The following NUP214 variants were observed in gnomAD, a reference collection of about 807,000 sequenced individuals.
The protein encoded by NUP214 is nucleoporin 214.
Under a neutral mutation model 196.2 loss-of-function variants are expected in NUP214, and 79 were observed. The ratio of observed to expected loss-of-function variants is 0.40; its 90% CI spans 0.34 to 0.49. The LOEUF is 0.49. NUP214 is among the 20% of genes least tolerant of loss of function. The probability of loss-of-function intolerance (pLI) is 0.58; values close to 1 mark genes in which losing one functional copy is unlikely to be tolerated. For missense variants in NUP214, 2,468 were observed against 2,539.0 expected, an observed-to-expected ratio of 0.97 and a Z score of 0.60; for synonymous variants, 1,020 against 990.5, an observed-to-expected ratio of 1.03 and a Z score of -0.56.
In NUP214 at chr9:131,178,506, T is replaced by C. The variant is rs994961882; in HGVS notation, c.3419+96T>C. On this transcript the variant is annotated intron_variant, in intron 24 of 35. Transcript: ENST00000359428. ...CAGCAGTGCCACTGTCACAGTCTGG[T>C]TTTCCTGCACCGCCTTAGGTTATAA... is the stretch of plus-strand genomic sequence containing the variant. 1.5e-5 allele frequency: 13 copies of C among 855,672 alleles called. No individual in the cohort carries two copies. The South Asian group carries it at 1.7e-4, about 11-fold the overall frequency. The allele number at this position is 855,672 out of a possible 1,614,324, so 53.0% of individuals were successfully genotyped here. A position where few individuals can be genotyped will look rare whatever the true frequency, so the allele number is the denominator to read the frequency against.
chr9:131,194,827 G>A (rs1012150463), intron 27 of NUP214, among the ~76,000 whole-genome samples: 2 of 152,154 alleles, frequency 1.3e-5, no homozygotes, highest in East Asian at 1.9e-4. Context: ...CTAGTCTTAA[G>A]TGCTTCTGTC....
chr9:131,173,832 A>C (rs985519328), intron 21 of NUP214, among the ~76,000 whole-genome samples: 1 of 152,128 alleles, frequency 6.6e-6, no homozygotes, highest in African/African-American at 2.4e-5. Context: ...AACAGCCCCA[A>C]GATGTTCTCG....
At chr9:131,153,802 A>G (rs1397033637) in intron 17 of NUP214, among the ~76,000 whole-genome samples, 1 of 152,134 alleles carries the variant, frequency 6.6e-6, no homozygotes, top group East Asian at 1.9e-4. Context: ...CTGTGCTCGT[A>G]CTCAAGAGTC....
chr9:131,185,234 A>G (rs932193296), intron 24 of NUP214, among the ~76,000 whole-genome samples: 2 of 152,190 alleles, frequency 1.3e-5, no homozygotes, highest in African/African-American at 2.4e-5. Context: ...ACATGTGTGC[A>G]TTTGTCTGCC....
At chr9:131,172,678 T>G (rs1414139177) in intron 21 of NUP214, among the ~76,000 whole-genome samples, 1 of 152,244 alleles carries the variant, frequency 6.6e-6, no homozygotes, top group Non-Finnish European at 1.5e-5. Flanking sequence ...TTAATTTGCT[T>G]TTGATTACTT....
chr9:131,207,673 A>G (rs562158325), intron 30 of NUP214, among the ~76,000 whole-genome samples: 1 of 152,356 alleles, frequency 6.6e-6, no homozygotes, highest in East Asian at 1.9e-4. Flanking sequence ...TTGCTCTAGA[A>G]GAGCATATGT....
At chr9:131,173,669 C>T (rs1833020594) in intron 21 of NUP214, among the ~76,000 whole-genome samples, 1 of 152,014 alleles carries the variant, frequency 6.6e-6, no homozygotes. Flanking sequence ...AGAAGCTTAT[C>T]ATTGGAAGGT....
At chr9:131,194,488 T>G (rs1030871323) in intron 27 of NUP214, among the ~76,000 whole-genome samples, 9 of 152,186 alleles carry the variant, frequency 5.9e-5, no homozygotes, top group African/African-American at 2.2e-4. Flanking sequence ...TTAACCTGCC[T>G]CAGCCTCTCA....
Position 131,198,914 on chromosome 9 carries a change from G to A in NUP214, c.5420G>A (p.Gly1807Glu). Residue 1807 changes from glycine (G) to glutamate (E), a missense_variant, in exon 29 of 36, where the codon GGG becomes GAG. Gly to Glu is a moderately conservative substitution (Grantham distance 98). Around this residue, in one of 5 missense-constraint regions of NUP214, gnomAD observed 1,801 missense variants for 1,779.4 expected, o/e 1.01. Coordinates refer to ENST00000359428, the MANE Select transcript of NUP214 (RefSeq NM_005085.4). ...GGCCAAAGCAACGCTCCTGCTTTTG[G>A]GCAGAGTCCTGGCTTTGGACAGGGA... ...LFGQSNAPAF[G>E]QSPGFGQGGS... The A allele has an allele frequency of 1.9e-6, 3 of 1,614,158 alleles. No homozygotes were observed. The highest frequency in any genetic ancestry group is 2.5e-6 in the Non-Finnish European group (3 of 1,180,030).
chr9:131,210,717 G>A (rs1233232683), intron 30 of NUP214, among the ~76,000 whole-genome samples: 2 of 152,056 alleles, frequency 1.3e-5, no homozygotes, highest in Non-Finnish European at 2.9e-5. Context: ...TAACAGCAGA[G>A]TGAATACTAC....
chr9:131,190,124 G>T, intron 26 of NUP214: 1 of 265,208 alleles, frequency 3.8e-6, no homozygotes, highest in South Asian at 1.6e-4. Flanking sequence ...AGAATTCGGA[G>T]TGATATGGAA....
chr9:131,230,517 C>G, intron 33 of NUP214, 113 bp from the exon 34 acceptor site: 1 of 1,306,090 alleles, frequency 7.7e-7, no homozygotes, highest in African/African-American at 1.4e-5. Context: ...AGCCTGTCAC[C>G]CTGGATCATG....
At chr9:131,230,514 C>T in intron 33 of NUP214, 116 bp from the exon 34 acceptor site, 1 of 1,275,934 alleles carries the variant, frequency 7.8e-7, no homozygotes, top group Non-Finnish European at 1.1e-6. Context: ...CCCAGCCTGT[C>T]ACCCTGGATC....
intron 1 of NUP214, chr9:131,126,057 C>T (rs767022891): frequency 4.0e-5 from 16 of 401,506 alleles, no homozygotes; most frequent in Non-Finnish European, 6.7e-5. Context: ...TGGTAGTCAT[C>T]GCGGCAGCCC....
intron 5 of NUP214, among the ~76,000 whole-genome samples, chr9:131,132,025 G>A (rs149140465): frequency 0.02 from 3,035 of 152,016 alleles, 43 homozygotes; most frequent in Non-Finnish European, 0.029. Flanking sequence ...ATCAGTGCTA[G>A]TGGCGTTGCT....
chr9:131,134,747 T>C, intron 7 of NUP214, 151 bp from the exon 8 acceptor site: 1 of 615,864 alleles, frequency 1.6e-6, no homozygotes, highest in Non-Finnish European at 2.9e-6. Flanking sequence ...CTCCTTGTAC[T>C]AAGTGCTGCC....
intron 31 of NUP214, among the ~76,000 whole-genome samples, chr9:131,216,770 G>A (rs1268743778): frequency 6.6e-6 from 1 of 151,860 alleles, no homozygotes; most frequent in Non-Finnish European, 1.5e-5. Flanking sequence ...CAGGTGATCC[G>A]CCCACCTCAG....
rs1409523859 is a variant in NUP214, at chr9:131,201,722, A to G, written c.5592+5A>G. ...GGTGGAATAGTCTTTGGCCAGGTAA[A>G]TATGCATTTGTCTTCATTCACGTCA... On this transcript the variant is annotated splice_donor_5th_base_variant and intron_variant, in intron 30 of 35. Transcript: ENST00000359428. 9 of 1,612,080 alleles carry G rather than the reference A, an allele frequency of 5.6e-6. No homozygotes were observed. The highest frequency in any genetic ancestry group is 2.7e-5 in the African/African-American group (2 of 74,874).
At chr9:131,184,962 C>G (rs1402856678) in intron 24 of NUP214, among the ~76,000 whole-genome samples, 1 of 152,178 alleles carries the variant, frequency 6.6e-6, no homozygotes, top group African/African-American at 2.4e-5. Context: ...TCCACTCTCT[C>G]ATATATGAGT....
Sources: allele counts gnomAD v4.1 joint callset (sites outside exome capture counted in the v4.1 genomes callset), GRCh38; gene constraint gnomAD v4.1.1; regional missense constraint gnomAD v4.1.1; transcripts MANE v1.5; gene names NCBI Gene and HGNC (gene_info 2026-07-23, HGNC 2026-07-21).